NALCN: variants seen among roughly 807,000 people sequenced by gnomAD.
NALCN encodes sodium leak channel, non-selective, also known as sodium leak channel NALCN.
Under a neutral mutation model 225.3 loss-of-function variants are expected in NALCN, and 111 were observed. That is an observed-to-expected ratio of 0.49 (90% CI 0.42 to 0.58). The LOEUF (loss-of-function observed/expected upper bound fraction) is 0.58. NALCN is among the 20% of genes least tolerant of loss of function. The probability of loss-of-function intolerance (pLI) is 0.00; values close to 1 mark genes in which losing one functional copy is unlikely to be tolerated. For synonymous variants in NALCN, 764 were observed against 769.0 expected (o/e 0.99, Z 0.11); for missense variants, 1,378 against 2,202.4 (o/e 0.63, Z 7.49).
chr13:101,361,844 A>G (rs1180878763), intron 6 of NALCN, among the ~76,000 whole-genome samples: 1 of 151,116 alleles, frequency 6.6e-6, no homozygotes, highest in Admixed American at 6.6e-5. Flanking sequence ...AAGATGGATC[A>G]AAATAAGTTA....
intron 7 of NALCN, among the ~76,000 whole-genome samples, chr13:101,324,569 G>A (rs895649787): frequency 6.6e-6 from 1 of 152,054 alleles, no homozygotes; most frequent in Non-Finnish European, 1.5e-5. Flanking sequence ...CTCATGATTT[G>A]GCTCTCTGTC....
intron 7 of NALCN, among the ~76,000 whole-genome samples, chr13:101,335,412 A>G (rs1042102337): frequency 6.6e-6 from 1 of 152,190 alleles, no homozygotes; most frequent in Non-Finnish European, 1.5e-5. Context: ...AGGGGCACTT[A>G]TGATTCAAGA....
At chr13:101,137,755 C>T (rs1266235616) in intron 17 of NALCN, among the ~76,000 whole-genome samples, 1 of 152,162 alleles carries the variant, frequency 6.6e-6, no homozygotes, top group Non-Finnish European at 1.5e-5. Context: ...TTTGTCCTAA[C>T]TGATGAATAG....
chr13:101,313,661 A>G (rs1391840462), intron 7 of NALCN, among the ~76,000 whole-genome samples: 1 of 152,218 alleles, frequency 6.6e-6, no homozygotes, highest in African/African-American at 2.4e-5. Context: ...TCAGGAAAGA[A>G]CAGGTGCTGG....
At chr13:101,262,651 T>C (rs141371244) in intron 10 of NALCN, among the ~76,000 whole-genome samples, 1 of 152,356 alleles carries the variant, frequency 6.6e-6, no homozygotes, top group East Asian at 1.9e-4. Flanking sequence ...TTAAGCAAAC[T>C]GTTATTACTA....
intron 7 of NALCN, among the ~76,000 whole-genome samples, chr13:101,296,357 A>C (rs2139070408): frequency 6.6e-6 from 1 of 152,356 alleles, no homozygotes; most frequent in Admixed American, 6.5e-5. Flanking sequence ...CCTCAATATT[A>C]ATACTGCACA....
At chr13:101,165,648 G>C (rs944483606) in intron 15 of NALCN, among the ~76,000 whole-genome samples, 1 of 152,136 alleles carries the variant, frequency 6.6e-6, no homozygotes. Flanking sequence ...CTAATTTTTT[G>C]TATTTTTAGT....
chr13:101,403,909 TCTGA>T (rs775382237), intron 1 of NALCN, among the ~76,000 whole-genome samples: 1 of 152,238 alleles, frequency 6.6e-6, no homozygotes, highest in East Asian at 1.9e-4. Flanking sequence ...CACCTCAAAC[TCTGA>T]CTTTCATGTC....
At chr13:101,415,240 T>TATATATATATACATACA (rs2047908875) in intron 1 of NALCN, among the ~76,000 whole-genome samples, 1 of 145,070 alleles carries the variant, frequency 6.9e-6, no homozygotes, top group African/African-American at 2.5e-5. Flanking sequence ...CATATATATT[T>TATATATATATACATACA]CAAAATCGCC....
intron 17 of NALCN, among the ~76,000 whole-genome samples, chr13:101,142,138 C>CTTTTTTTTTT (rs33925974): frequency 4.6e-4 from 45 of 97,062 alleles, no homozygotes; most frequent in African/African-American, 6.2e-4. Context: ...CATTCTATGT[C>CTTTTTTTTTT]TTTTTTTTTT....
chr13:101,353,579 A>G (rs1166846071), intron 6 of NALCN, among the ~76,000 whole-genome samples: 1 of 152,212 alleles, frequency 6.6e-6, no homozygotes, highest in Non-Finnish European at 1.5e-5. Flanking sequence ...CTGGACTTTT[A>G]GTGGAACTGC....
intron 14 of NALCN, among the ~76,000 whole-genome samples, chr13:101,177,378 T>C (rs1040580241): frequency 2.2e-5 from 3 of 133,830 alleles, no homozygotes; most frequent in Non-Finnish European, 3.4e-5. Flanking sequence ...ATTTTTATGG[T>C]GTTGAAAACA....
chr13:101,360,189 CCTCTCTCTCTCTCTCT>C (rs759523803), intron 6 of NALCN, among the ~76,000 whole-genome samples: 1,073 of 89,322 alleles, frequency 0.012, 11 homozygotes, highest in South Asian at 0.026. Flanking sequence ...TTCCTCTCTT[CCTCTCTCTCTCTCTCT>C]CTCTCTCTCT....
rs775282193 is a variant in NALCN, at chr13:101,089,940, T to C, written c.3296A>G (p.Asp1099Gly). 1 of 1,613,998 alleles carries C rather than the reference T, an allele frequency of 6.2e-7. No homozygotes were observed. Among genetic ancestry groups the C allele is most frequent in the Admixed American group, 1.7e-5 (1 of 60,016 alleles). ...VWANPRNFNF[D>G]NVGNAMLALF... is the part of the protein sequence containing the mutation. The stretch of plus-strand genomic sequence containing the variant: ...CGCCAGCATAGCGTTTCCCACATTG[T>C]CGAAATTAAAGTTCCGAGGATTCGC... The change falls in exon 29 of 44, where the codon GAC becomes GGC. Residue 1099 changes from aspartate to glycine, a missense_variant. Physicochemically the swap from Asp to Gly is moderately conservative, Grantham distance 94. Coordinates refer to ENST00000251127, the MANE Select transcript of NALCN (RefSeq NM_052867.4). This position sits in a 1 kb window ranked among gnomAD's most constrained non-coding sequence, Gnocchi z 4.7.
At position 101,223,681 on chromosome 13, in the gene NALCN, GAC is replaced by G. The variant is rs572594673; in HGVS notation, c.1626+5710_1626+5711del. ...ACACCCTCACCAGGTACTCACTCCA[GAC>G]ACATAAAGACTCGGTTACACTTTTG... On this transcript the variant is annotated intron_variant, in intron 13 of 43. Transcript: ENST00000251127. 2.6e-3 allele frequency among the ~76,000 whole-genome samples: 391 copies of G among 152,254 alleles called. 5 individuals are homozygous for G. Among genetic ancestry groups the G allele is most frequent in the Admixed American group, 0.023 (358 of 15,286 alleles).
At chr13:101,395,742 G>T (rs1482072356) in intron 2 of NALCN, among the ~76,000 whole-genome samples, 2 of 152,008 alleles carry the variant, frequency 1.3e-5, no homozygotes, top group Admixed American at 6.6e-5. Flanking sequence ...ATATGTGTTT[G>T]TAATTTAGTC....
Position 101,107,806 on chromosome 13 carries a change from AG to A in NALCN, c.2365-18del. 1 of 1,603,880 alleles carries A rather than the reference AG, an allele frequency of 6.2e-7. No individual in the cohort carries two copies. The highest frequency in any genetic ancestry group is 8.5e-7 in the Non-Finnish European group (1 of 1,175,764). ...ATTGGAATGCTAGAAATAAATTAAC[AG>A]GGGGTGTGTTAAAACAGGAGGGTTT... is the stretch of plus-strand genomic sequence containing the variant. On this transcript the variant is annotated intron_variant, in intron 20 of 43. Transcript: ENST00000251127.
intron 11 of NALCN, among the ~76,000 whole-genome samples, chr13:101,238,554 A>C (rs1374652166): frequency 6.6e-6 from 1 of 151,960 alleles, no homozygotes; most frequent in Non-Finnish European, 1.5e-5. Context: ...TGAATTTACT[A>C]TTCCAAATAA....
intron 15 of NALCN, among the ~76,000 whole-genome samples, chr13:101,166,494 T>C (rs2038445365): frequency 6.6e-6 from 1 of 152,196 alleles, no homozygotes. Context: ...ATTAGTGATG[T>C]TGAACATCTT....
Sources: allele counts gnomAD v4.1 joint callset (sites outside exome capture counted in the v4.1 genomes callset), GRCh38; gene constraint gnomAD v4.1.1; non-coding constraint Gnocchi (gnomAD v3.1); transcripts MANE v1.5; gene names NCBI Gene and HGNC (gene_info 2026-07-23, HGNC 2026-07-21).